The following RC3H1 variants were observed in gnomAD, a reference collection of about 807,000 sequenced individuals.
The protein encoded by RC3H1 is roquin-1.
In RC3H1, 50 loss-of-function variants were observed where a neutral mutation model predicts 138.2. The ratio of observed to expected loss-of-function variants is 0.36; its 90% CI spans 0.29 to 0.46. RC3H1 has a LOEUF of 0.46. Ranked by LOEUF, RC3H1 falls within the 20% of genes least tolerant of loss-of-function variation. RC3H1 has a pLI of 1.00. For missense variants in RC3H1, 1,031 were observed against 1,388.1 expected, an observed-to-expected ratio of 0.74 and a Z score of 4.09; for synonymous variants, 462 against 489.1, an observed-to-expected ratio of 0.94 and a Z score of 0.73.
chr1:174,014,900 T>G (rs1661833174), intron 1 of RC3H1, among the ~76,000 whole-genome samples: 3 of 152,196 alleles, frequency 2.0e-5, no homozygotes, highest in Non-Finnish European at 4.4e-5. Context: ...TTCCCAAAAT[T>G]ACAAACATAA....
At chr1:173,963,942 A>G (rs771363926) in intron 11 of RC3H1, 31 bp downstream of exon 11, 1 of 1,573,860 alleles carries the variant, frequency 6.4e-7, no homozygotes, top group Non-Finnish European at 8.7e-7. Context: ...ATTCCTAAGA[A>G]AAGTTAGCAA....
intron 1 of RC3H1, among the ~76,000 whole-genome samples, chr1:174,002,722 C>T (rs1189011165): frequency 6.6e-6 from 1 of 152,194 alleles, no homozygotes; most frequent in African/African-American, 2.4e-5. Context: ...ATTAAAGTTA[C>T]TCCTACAAAA....
intron 9 of RC3H1, among the ~76,000 whole-genome samples, chr1:173,968,129 T>G (rs1660200995): frequency 6.6e-6 from 1 of 152,208 alleles, no homozygotes; most frequent in South Asian, 2.1e-4. Context: ...TGCATTTCAT[T>G]AATCTATCTA....
intron 9 of RC3H1, among the ~76,000 whole-genome samples, chr1:173,967,255 G>A (rs1660161772): frequency 1.3e-5 from 2 of 152,144 alleles, no homozygotes; most frequent in African/African-American, 4.8e-5. Context: ...TGGAAGTCGA[G>A]GCTGCAGTGG....
In RC3H1 at chr1:173,950,075, A is replaced by G. The variant is rs1290706001; in HGVS notation, c.2523+1911T>C. Among the ~76,000 whole-genome samples the G allele has an allele frequency of 2.0e-5, 3 of 152,198 alleles. No homozygotes were observed. The East Asian group carries it at 5.8e-4, about 29-fold the overall frequency. ...TCCCAGCTCCTCGGGAGGCTGAGGC[A>G]GGAGAATCACTTGAACCCAGAATGC... On this transcript the variant is annotated intron_variant, in intron 14 of 19. Coordinates refer to ENST00000367696, the MANE Select transcript of RC3H1 (RefSeq NM_172071.4).
intron 7 of RC3H1, among the ~76,000 whole-genome samples, chr1:173,974,280 A>AAAC (rs1222736402): frequency 3.7e-4 from 53 of 141,810 alleles, no homozygotes; most frequent in African/African-American, 1.4e-3. Flanking sequence ...ACTGTCTCAA[A>AAAC]AAAAAAAAAA....
At chr1:173,996,025 G>A (rs1489222157) in intron 1 of RC3H1, among the ~76,000 whole-genome samples, 1 of 152,110 alleles carries the variant, frequency 6.6e-6, no homozygotes, top group African/African-American at 2.4e-5. Flanking sequence ...AGGTCGAGTT[G>A]GGCAAATCAC....
intron 6 of RC3H1, 72 bp from the exon 7 acceptor site, chr1:173,978,692 A>C: frequency 6.9e-7 from 1 of 1,452,524 alleles, no homozygotes. Flanking sequence ...TTTATATCAC[A>C]ATCATTTTTG....
intron 2 of RC3H1, among the ~76,000 whole-genome samples, chr1:173,985,419 A>G (rs963468791): frequency 1.3e-5 from 2 of 152,218 alleles, no homozygotes; most frequent in Admixed American, 6.5e-5. Flanking sequence ...AAGGGTTCCA[A>G]TTCTTCTACA....
intron 13 of RC3H1, among the ~76,000 whole-genome samples, chr1:173,954,270 C>T (rs1156401235): frequency 2.0e-5 from 3 of 152,102 alleles, no homozygotes; most frequent in Non-Finnish European, 4.4e-5. Flanking sequence ...CTGTCATTTG[C>T]AGCAACATAG....
intron 1 of RC3H1, among the ~76,000 whole-genome samples, chr1:174,014,376 A>G (rs529971416): frequency 1.3e-5 from 2 of 152,256 alleles, no homozygotes; most frequent in East Asian, 3.9e-4. Context: ...AAAAAAAAAA[A>G]TCTTTCAAAA....
At position 173,936,925 on chromosome 1, in the gene RC3H1, A is replaced by G. The variant is rs1445195264; in HGVS notation, c.*1796T>C. The G allele has an allele frequency of 6.8e-6, 1 of 147,280 alleles. No individual in the cohort carries two copies. Among genetic ancestry groups the G allele is most frequent in the African/African-American group, 2.5e-5 (1 of 40,758 alleles). 9.1% of individuals were successfully genotyped at this position (147,280 alleles called of 1,614,324 possible). ...CTTAAAACATACCCAATATATATACAGATATAGCTATGTATATATGTATAT... is the reference window on the plus strand; with the variant it reads ...CTTAAAACATACCCAATATATATACGGATATAGCTATGTATATATGTATAT... On this transcript the variant is annotated 3_prime_UTR_variant, in exon 20 of 20. Transcript: ENST00000367696.
rs1660676107 is a variant in RC3H1 at position 173,978,543 on chromosome 1, G to A, written c.1047C>T (p.Asn349=). ...CCAAATGGGGTCTTAGTCGGTTCAA[G>A]TTTGCTGGGTCTCCAGTTCGCTGGA... is the stretch of plus-strand genomic sequence containing the variant. The part of the protein sequence containing the change: ...IALQRTGDPA[N]LNRLRPHLEL... The change falls in exon 7 of 20, where the codon AAC becomes AAT. Residue 349 remains asparagine (N), a synonymous_variant. Transcript: ENST00000367696. 6.2e-7 allele frequency: 1 copy of A among 1,613,984 alleles called. No homozygotes were observed. The highest frequency in any genetic ancestry group is 1.3e-5 in the African/African-American group (1 of 74,910).
Position 173,972,622 on chromosome 1 carries a change from G to A in RC3H1, c.1108C>T (p.Pro370Ser). 1 of 1,600,926 alleles carries A rather than the reference G, an allele frequency of 6.2e-7. No homozygotes were observed. The highest frequency in any genetic ancestry group is 8.6e-7 in the Non-Finnish European group (1 of 1,168,062). ...LANIDPSPDAPPPTWEQLENG... is the reference protein window; with the variant it reads ...LANIDPSPDASPPTWEQLENG... ...TCCAGCTGTTCCCAAGTAGGAGGAG[G>A]AGCATCTATACAACCAATGATAATG... Residue 370 changes from proline (P) to serine (S), a missense_variant, in exon 8 of 20, where the codon CCT (proline) becomes TCT (serine). Pro to Ser is a moderately conservative substitution (Grantham distance 74). This residue lies in a region of RC3H1 where 142 missense variants were observed against 224.6 expected (regional missense o/e 0.63). Transcript: ENST00000367696.
intron 1 of RC3H1, among the ~76,000 whole-genome samples, chr1:174,014,207 A>T (rs1020692482): frequency 2.0e-5 from 3 of 152,204 alleles, no homozygotes; most frequent in African/African-American, 4.8e-5. Flanking sequence ...CCTAATGTGA[A>T]CTATGGACTT....
chr1:173,971,953 T>C (rs1168178612), intron 8 of RC3H1, among the ~76,000 whole-genome samples: 3 of 152,134 alleles, frequency 2.0e-5, no homozygotes, highest in Non-Finnish European at 4.4e-5. Context: ...TTACTGGGAA[T>C]AAAATTTAAA....
intron 1 of RC3H1, among the ~76,000 whole-genome samples, chr1:174,012,799 A>G (rs965626190): frequency 4.6e-5 from 6 of 130,150 alleles, no homozygotes. Flanking sequence ...AAAAAAAAAG[A>G]AAAGAAAAGA....
chr1:173,953,416 T>TGC (rs1382251435), intron 13 of RC3H1, among the ~76,000 whole-genome samples: 1 of 151,912 alleles, frequency 6.6e-6, no homozygotes, highest in Non-Finnish European at 1.5e-5. Flanking sequence ...GGATTACAGG[T>TGC]GCATACCTCT....
intron 3 of RC3H1, among the ~76,000 whole-genome samples, chr1:173,983,864 T>C (rs1485837576): frequency 6.6e-6 from 1 of 152,230 alleles, no homozygotes; most frequent in Non-Finnish European, 1.5e-5. Flanking sequence ...AGTTATCTCA[T>C]GTGCACTTAG....
Sources: allele counts gnomAD v4.1 joint callset (sites outside exome capture counted in the v4.1 genomes callset), GRCh38; gene constraint gnomAD v4.1.1; regional missense constraint gnomAD v4.1.1; transcripts MANE v1.5; gene names NCBI Gene and HGNC (gene_info 2026-07-23, HGNC 2026-07-21).